The following ARPP21 variants were observed in gnomAD, a reference collection of about 807,000 sequenced individuals.
The protein encoded by ARPP21 is cAMP regulated phosphoprotein 21.
ARPP21 carries 69 observed loss-of-function variants against 113.2 expected under a neutral mutation model. The observed-to-expected ratio is 0.61, with a 90% CI of 0.50 to 0.74. The LOEUF (loss-of-function observed/expected upper bound fraction) is 0.74. ARPP21 is among the 30% of genes least tolerant of loss of function. The pLI, the probability that ARPP21 is intolerant of heterozygous loss-of-function variation, is 0.00. For synonymous variants in ARPP21, 368 were observed against 375.5 expected (o/e 0.98, Z 0.23); for missense variants, 1,070 against 1,037.4 (o/e 1.03, Z -0.43).
intron 10 of ARPP21, 53 bp downstream of exon 10, chr3:35,707,135 G>T: frequency 1.5e-6 from 2 of 1,374,918 alleles, no homozygotes; most frequent in South Asian, 2.4e-5. Flanking sequence ...AAGGTGGGCT[G>T]ACTGATGTTC....
intron 18 of ARPP21, among the ~76,000 whole-genome samples, chr3:35,742,483 T>G (rs1393048296): frequency 2.0e-5 from 3 of 152,184 alleles, no homozygotes; most frequent in Non-Finnish European, 4.4e-5. Context: ...ATACAATGAC[T>G]TAGTTGCCAG....
chr3:35,744,816 T>C (rs2094917562), intron 19 of ARPP21, among the ~76,000 whole-genome samples: 2 of 152,234 alleles, frequency 1.3e-5, no homozygotes, highest in Admixed American at 6.5e-5. Flanking sequence ...GTTATGCATA[T>C]GGAATGTATA....
At chr3:35,771,565 G>A (rs2096203897) in intron 19 of ARPP21, among the ~76,000 whole-genome samples, 1 of 152,132 alleles carries the variant, frequency 6.6e-6, no homozygotes, top group Non-Finnish European at 1.5e-5. Context: ...CTGACCTCAG[G>A]TAATCTGCCT....
chr3:35,793,850 T>C lies in ARPP21; in HGVS notation c.2436T>C (p.Leu812=), dbSNP rs2096794612. The change falls in exon 21 of 21, where the codon CTT becomes CTC. Residue 812 remains leucine (L), a synonymous_variant. Transcript: ENST00000684406. ...NVTPPTPQNN[L]RLIGPHCPSS... ...CACCGCCCACCCCTCAGAACAACCT[T>C]AGGCTGATTGGCCCACACTGCCCCT... 6.2e-7 allele frequency: 1 copy of C among 1,614,188 alleles called. No homozygotes were observed. Among genetic ancestry groups the C allele is most frequent in the Non-Finnish European group, 8.5e-7 (1 of 1,180,018 alleles).
Position 35,721,804 on chromosome 3 carries a change from A to G in ARPP21, c.1195A>G (p.Thr399Ala), listed in dbSNP as rs761333439. The G allele has an allele frequency of 8.1e-6, 13 of 1,611,422 alleles. No homozygotes were observed. The highest frequency in any genetic ancestry group is 4.0e-5 in the African/African-American group (3 of 74,874). ...VLTRGDSTSS[T>A]RSTGKLSKAG... ...GACCAGGGGTGACAGCACTTCCAGT[A>G]CTAGGAGTACCGGGAAGCTGTCCAA... The change falls in exon 14 of 21, where the codon ACT becomes GCT. Residue 399 changes from threonine (T) to alanine (A), a missense_variant. Thr to Ala is a moderately conservative substitution (Grantham distance 58). Coordinates refer to ENST00000684406, the MANE Select transcript of ARPP21 (RefSeq NM_001385562.1).
At chr3:35,668,410 C>T (rs1457446320) in intron 1 of ARPP21, among the ~76,000 whole-genome samples, 2 of 152,024 alleles carry the variant, frequency 1.3e-5, no homozygotes, top group African/African-American at 2.4e-5. Context: ...CTTCTCCTTG[C>T]TCCTGCTGGA....
intron 15 of ARPP21, among the ~76,000 whole-genome samples, chr3:35,736,275 G>A (rs766765799): frequency 3.3e-5 from 5 of 152,106 alleles, no homozygotes; most frequent in Non-Finnish European, 5.9e-5. Flanking sequence ...AAATCGGTTT[G>A]TTCTCTCCTT....
At chr3:35,786,807 G>A (rs921404796) in intron 19 of ARPP21, among the ~76,000 whole-genome samples, 8 of 152,068 alleles carry the variant, frequency 5.3e-5, no homozygotes, top group African/African-American at 1.7e-4. Context: ...AACTGTGGAG[G>A]CTGTCTTCTG....
At chr3:35,749,554 T>G (rs2095324596) in intron 19 of ARPP21, among the ~76,000 whole-genome samples, 5 of 151,952 alleles carry the variant, frequency 3.3e-5, no homozygotes, top group Admixed American at 3.3e-4. Flanking sequence ...ATAAAATGAA[T>G]GGGAAAGTGT....
At chr3:35,756,725 T>C (rs112860822) in intron 19 of ARPP21, among the ~76,000 whole-genome samples, 36 of 152,156 alleles carry the variant, frequency 2.4e-4, no homozygotes, top group Non-Finnish European at 4.4e-4. Flanking sequence ...TTGTTGTTGT[T>C]GTAATAGGTC....
intron 1 of ARPP21, among the ~76,000 whole-genome samples, chr3:35,646,951 C>T (rs1700468536): frequency 6.6e-6 from 1 of 152,138 alleles, no homozygotes. Flanking sequence ...TTGGTCACAA[C>T]ACTTTTTTGT....
At chr3:35,789,176 G>T (rs1379377889) in intron 19 of ARPP21, among the ~76,000 whole-genome samples, 1 of 152,152 alleles carries the variant, frequency 6.6e-6, no homozygotes. Flanking sequence ...TGACAAACTG[G>T]AACACATTTC....
intron 18 of ARPP21, among the ~76,000 whole-genome samples, chr3:35,742,361 G>T (rs1295508899): frequency 6.6e-6 from 1 of 152,166 alleles, no homozygotes; most frequent in African/African-American, 2.4e-5. Flanking sequence ...ACCAAAGTTT[G>T]CCAGAGCATA....
intron 1 of ARPP21, among the ~76,000 whole-genome samples, chr3:35,649,545 C>T (rs1170809091): frequency 6.6e-6 from 1 of 152,156 alleles, no homozygotes; most frequent in Non-Finnish European, 1.5e-5. Flanking sequence ...GGCAACCCAT[C>T]TTTACTGGAT....
At chr3:35,667,594 T>C (rs923684037) in intron 1 of ARPP21, among the ~76,000 whole-genome samples, 3 of 152,194 alleles carry the variant, frequency 2.0e-5, no homozygotes, top group Admixed American at 1.3e-4. Flanking sequence ...AGTTGGACTC[T>C]ATTTGTAGCT....
chr3:35,733,116 G>T (rs550109164), intron 15 of ARPP21, among the ~76,000 whole-genome samples: 1 of 152,050 alleles, frequency 6.6e-6, no homozygotes, highest in Non-Finnish European at 1.5e-5. Context: ...AAAACCAAGA[G>T]CGCATGATTA....
At chr3:35,751,783 A>T (rs952978149) in intron 19 of ARPP21, among the ~76,000 whole-genome samples, 1 of 152,100 alleles carries the variant, frequency 6.6e-6, no homozygotes. Context: ...TTTAGCACCT[A>T]CAGAATTAAT....
At chr3:35,733,477 G>A (rs183255730) in intron 15 of ARPP21, among the ~76,000 whole-genome samples, 100 of 152,288 alleles carry the variant, frequency 6.6e-4, no homozygotes, top group African/African-American at 2.2e-3. Flanking sequence ...CCTGCTGAGC[G>A]TGCTTGTGCA....
chr3:35,707,929 G>T (rs1292797352), intron 10 of ARPP21, among the ~76,000 whole-genome samples: 3 of 151,706 alleles, frequency 2.0e-5, no homozygotes, highest in Non-Finnish European at 2.9e-5. Context: ...ATTATACTTT[G>T]TGTCTCTGAC....
Sources: gnomAD v4.1 joint callset for allele counts (sites outside exome capture counted in the v4.1 genomes callset) on GRCh38, gnomAD v4.1.1 for gene constraint, MANE v1.5 for transcripts, NCBI Gene and HGNC (gene_info 2026-07-23, HGNC 2026-07-21) for gene names.